The following RMDN2 variants were observed in gnomAD, a reference collection of about 807,000 sequenced individuals.
RMDN2 encodes the protein regulator of microtubule dynamics 2, also known as regulator of microtubule dynamics protein 2.
RMDN2 carries 61 observed loss-of-function variants against 52.8 expected under a neutral mutation model. That is an observed-to-expected ratio of 1.16 (90% CI 0.94 to 1.43). The LOEUF is 1.43. Ranked by LOEUF, RMDN2 falls within the 40% of genes most tolerant of loss-of-function variation. The pLI is 0.00. For missense variants in RMDN2, 592 were observed against 475.3 expected (o/e 1.25, Z -2.28); for synonymous variants, 180 against 153.1 (o/e 1.18, Z -1.30).
At chr2:37,993,032 A>T (rs183995661) in intron 7 of RMDN2, among the ~76,000 whole-genome samples, 15 of 152,250 alleles carry the variant, frequency 9.9e-5, no homozygotes, top group Non-Finnish European at 1.3e-4. Context: ...CTCTTGACTC[A>T]GCCTCCCGAG....
intron 10 of RMDN2, among the ~76,000 whole-genome samples, chr2:38,045,778 A>G (rs1418118587): frequency 6.6e-6 from 1 of 152,186 alleles, no homozygotes; most frequent in Non-Finnish European, 1.5e-5. Flanking sequence ...TGAGAGTTCT[A>G]CCAAGGTGGG....
At chr2:38,004,695 C>CTT (rs562275983) in intron 10 of RMDN2, among the ~76,000 whole-genome samples, 1 of 146,518 alleles carries the variant, frequency 6.8e-6, no homozygotes, top group South Asian at 2.2e-4. Flanking sequence ...AGTTTTCTTT[C>CTT]TTTTTTTTTT....
intron 7 of RMDN2, among the ~76,000 whole-genome samples, chr2:37,993,600 C>A (rs766854118): frequency 1.3e-5 from 2 of 152,056 alleles, no homozygotes; most frequent in African/African-American, 2.4e-5. Flanking sequence ...GGTAAGCCAG[C>A]CTTGAAACCA....
At chr2:37,961,640 C>T (rs185181469) in intron 2 of RMDN2, among the ~76,000 whole-genome samples, 3 of 152,026 alleles carry the variant, frequency 2.0e-5, no homozygotes, top group Non-Finnish European at 2.9e-5. Flanking sequence ...AGGACATGCT[C>T]CTTTAGCTCG....
chr2:37,984,392 CAT>C (rs1402267209), intron 5 of RMDN2, among the ~76,000 whole-genome samples: 1 of 152,180 alleles, frequency 6.6e-6, no homozygotes, highest in African/African-American at 2.4e-5. Context: ...ATTATATCCA[CAT>C]GTCTTAGAAC....
intron 10 of RMDN2, among the ~76,000 whole-genome samples, chr2:38,055,038 A>G (rs985988346): frequency 4.6e-5 from 7 of 152,166 alleles, no homozygotes; most frequent in Admixed American, 3.9e-4. Context: ...TTAGAACAGT[A>G]TATTATCAGT....
chr2:37,981,387 C>A, intron 5 of RMDN2, 44 bp downstream of exon 5: 1 of 1,255,106 alleles, frequency 8.0e-7, no homozygotes, highest in Non-Finnish European at 1.2e-6. Context: ...TCTAACCTGC[C>A]TCTTTATAAA....
At chr2:38,016,643 C>G (rs1247430764) in intron 10 of RMDN2, among the ~76,000 whole-genome samples, 1 of 152,104 alleles carries the variant, frequency 6.6e-6, no homozygotes, top group African/African-American at 2.4e-5. Flanking sequence ...CAACCTCAGC[C>G]CTAACCTTTA....
intron 2 of RMDN2, among the ~76,000 whole-genome samples, chr2:37,973,777 T>C (rs894273581): frequency 6.6e-6 from 1 of 151,964 alleles, no homozygotes; most frequent in African/African-American, 2.4e-5. Flanking sequence ...GATTAGAATA[T>C]TGAAGGAGCA....
At chr2:38,023,860 G>A (rs547244544) in intron 10 of RMDN2, among the ~76,000 whole-genome samples, 2 of 152,238 alleles carry the variant, frequency 1.3e-5, no homozygotes, top group South Asian at 2.1e-4. Context: ...GTACACCCAC[G>A]AAACCATCAC....
intron 10 of RMDN2, among the ~76,000 whole-genome samples, chr2:38,053,265 C>A (rs940136041): frequency 7.2e-5 from 11 of 152,140 alleles, no homozygotes; most frequent in Admixed American, 4.6e-4. Context: ...CACAGCCTCA[C>A]TTACCTAAGA....
At chr2:38,034,708 T>C (rs1680457285) in intron 10 of RMDN2, among the ~76,000 whole-genome samples, 1 of 150,230 alleles carries the variant, frequency 6.7e-6, no homozygotes, top group South Asian at 2.1e-4. Flanking sequence ...TCCCCTAATA[T>C]ATTTATATTT....
At chr2:37,986,824 C>G (rs1254532393) in intron 5 of RMDN2, among the ~76,000 whole-genome samples, 2 of 151,842 alleles carry the variant, frequency 1.3e-5, no homozygotes, top group Non-Finnish European at 2.9e-5. Flanking sequence ...TTTTCCTCAA[C>G]TTGATAAAGA....
At chr2:38,055,976 C>T (rs759581528) in intron 10 of RMDN2, among the ~76,000 whole-genome samples, 7 of 152,082 alleles carry the variant, frequency 4.6e-5, no homozygotes, top group Non-Finnish European at 8.8e-5. Context: ...ATTAACAGTA[C>T]CTGCCACACT....
chr2:38,020,757 G>A (rs192787277), downstream of RMDN2, among the ~76,000 whole-genome samples: 701 of 152,338 alleles, frequency 4.6e-3, 5 homozygotes, highest in African/African-American at 0.016. Context: ...GCAGGGCAGG[G>A]CTCGGGACCT....
At chr2:38,051,883 A>G (rs904048673) in intron 10 of RMDN2, among the ~76,000 whole-genome samples, 3 of 152,040 alleles carry the variant, frequency 2.0e-5, no homozygotes, top group African/African-American at 7.2e-5. Context: ...ACAGTATTCC[A>G]TTGGGTATAT....
intron 2 of RMDN2, among the ~76,000 whole-genome samples, chr2:37,968,931 T>A (rs9677300): frequency 0.38 from 57,391 of 152,056 alleles, 11,959 homozygotes; most frequent in South Asian, 0.52. Flanking sequence ...GGATATGCCC[T>A]ATTTTTAAAA....
Position 37,983,013 on chromosome 2 carries a change from ACTC to A in RMDN2, c.791+1684_791+1686del, listed in dbSNP as rs1398584734. On this transcript the variant is annotated intron_variant, in intron 5 of 10. Coordinates refer to ENST00000354545, the MANE Select transcript of RMDN2 (RefSeq NM_001170791.3). ...ACCGAAGTCCTACTTTTAACTCTCA[ACTC>A]CTCCTCCTCCTCCCCTACTCTTCCT... Among the ~76,000 whole-genome samples the A allele has an allele frequency of 6.8e-5, 10 of 147,152 alleles. No individual in the cohort carries two copies. In the South Asian group the frequency reaches 1.7e-3, roughly 26 times the overall value.
intron 2 of RMDN2, among the ~76,000 whole-genome samples, chr2:37,956,556 A>T (rs2124991191): frequency 6.8e-6 from 1 of 147,072 alleles, no homozygotes; most frequent in African/African-American, 2.5e-5. Context: ...AATCTCTCTT[A>T]TTCCTCTCTT....
Sources: allele counts gnomAD v4.1 joint callset (sites outside exome capture counted in the v4.1 genomes callset), GRCh38; gene constraint gnomAD v4.1.1; transcripts MANE v1.5; gene names NCBI Gene and HGNC (gene_info 2026-07-23, HGNC 2026-07-21).